The following ARHGEF16 variants were observed in gnomAD, a reference collection of about 807,000 sequenced individuals.
ARHGEF16 encodes the protein Rho guanine nucleotide exchange factor 16.
A neutral mutation model predicts 74.1 loss-of-function variants in ARHGEF16; 59 were observed. The observed-to-expected ratio is 0.80, with a 90% CI of 0.65 to 0.99. The LOEUF is 0.99. Among genes scored for constraint, ARHGEF16 ranks in the 50% least tolerant of loss-of-function variants. The pLI, the probability that ARHGEF16 is intolerant of heterozygous loss-of-function variation, is 0.00. For synonymous variants in ARHGEF16, 415 were observed against 412.6 expected, an observed-to-expected ratio of 1.01 and a Z score of -0.07; for missense variants, 948 against 986.6, an observed-to-expected ratio of 0.96 and a Z score of 0.52.
In ARHGEF16 at chr1:3,477,931, A is replaced by G. The variant is rs755970577; in HGVS notation, c.1530A>G (p.Leu510=). 6.2e-7 allele frequency: 1 copy of G among 1,612,494 alleles called. No homozygotes were observed. The highest frequency in any genetic ancestry group is 2.2e-5 in the East Asian group (1 of 44,850). ...TGCTGAAGCGCGGAGAGCTGTTCTT[A>G]GTGGAAGAAACCGGACTTTTTCGAA... ...RWLLKRGELF[L]VEETGLFRKI... The change falls in exon 11 of 15, where the codon TTA becomes TTG. Residue 510 remains leucine (L), a synonymous_variant. Transcript: ENST00000378378.
chr1:3,467,116 G>A (rs889448350), intron 3 of ARHGEF16, 52 bp from the exon 4 acceptor site: 5 of 1,509,330 alleles, frequency 3.3e-6, no homozygotes, highest in African/African-American at 2.8e-5. Context: ...GCAGGGAGGC[G>A]CAGCCTTTTG....
At chr1:3,469,909 G>A (rs1479649341) in intron 6 of ARHGEF16, among the ~76,000 whole-genome samples, 1 of 152,192 alleles carries the variant, frequency 6.6e-6, no homozygotes, top group East Asian at 1.9e-4. Flanking sequence ...AGGCACAGAG[G>A]GCTGCATGAT....
chr1:3,467,966 C>T (rs1485126956), intron 4 of ARHGEF16, among the ~76,000 whole-genome samples: 1 of 152,124 alleles, frequency 6.6e-6, no homozygotes, highest in Non-Finnish European at 1.5e-5. Context: ...GTTCGCCATT[C>T]AGAGGGGCTG....
chr1:3,477,884 C>T lies in ARHGEF16; in HGVS notation c.1483C>T (p.Leu495=), dbSNP rs1639934422. The T allele has an allele frequency of 6.2e-7, 1 of 1,603,314 alleles. No individual in the cohort carries two copies. ...GGCTCTGTCCCCCCAGTCCCTCCCACTGATCTCTGCCTCCCGGTGGCTGCT... is the reference window on the plus strand; with the variant it reads ...GGCTCTGTCCCCCCAGTCCCTCCCATTGATCTCTGCCTCCCGGTGGCTGCT... ...LDFSKVKSLP[L]ISASRWLLKR... The change falls in exon 11 of 15, where the codon CTG becomes TTG. Residue 495 remains leucine (L), a synonymous_variant. Transcript: ENST00000378378.
intron 1 of ARHGEF16, among the ~76,000 whole-genome samples, chr1:3,457,629 G>A (rs531727440): frequency 7.7e-4 from 118 of 152,338 alleles, no homozygotes; most frequent in Middle Eastern, 3.4e-3. Flanking sequence ...CACTGGGTCC[G>A]AGATCCAGCA....
At chr1:3,457,403 A>G (rs2493256) in intron 1 of ARHGEF16, among the ~76,000 whole-genome samples, 39,342 of 152,150 alleles carry the variant, frequency 0.26, 7,469 homozygotes, top group African/African-American at 0.53. Context: ...GGCCTGTGCA[A>G]CATCCTAACC....
chr1:3,467,977 GCACTGCAACCACCCACCACA>G (rs1481545414), intron 4 of ARHGEF16, among the ~76,000 whole-genome samples: 1 of 152,166 alleles, frequency 6.6e-6, no homozygotes, highest in Non-Finnish European at 1.5e-5. Context: ...AGAGGGGCTG[GCACTGCAACCACCCACCACA>G]CACCATGGTG....
Position 3,466,174 on chromosome 1 carries a change from C to T in ARHGEF16, c.615C>T (p.His205=). 6.5e-7 allele frequency: 1 copy of T among 1,546,098 alleles called. No individual in the cohort carries two copies. The highest frequency in any genetic ancestry group is 1.7e-4 in the Middle Eastern group (1 of 5,974). Residue 205 remains histidine (H), a synonymous_variant, in exon 3 of 15, where the codon CAC becomes CAT. Transcript: ENST00000378378. ...NKKTLGRKRG[H]KGSFKDDPQL... is the part of the protein sequence containing the mutation. ...AGACGCTGGGGAGGAAACGTGGGCA[C>T]AAGGGTTCCTTCAAGGACGGTGAGT... is the stretch of plus-strand genomic sequence containing the variant.
In ARHGEF16 at chr1:3,472,945, C is replaced by T. The variant is rs78430673; in HGVS notation, c.1023-133C>T. ...GCCCCAAGTGCTTGCTGTGTGCTGC[C>T]TCTGGGAGCTGAGCTCAGCTCCTGC... On this transcript the variant is annotated intron_variant, in intron 6 of 14. Transcript: ENST00000378378. 7.1e-3 allele frequency: 5,796 copies of T among 815,460 alleles called. 208 individuals carry two copies. In the African/African-American group the frequency reaches 0.094, roughly 13 times the overall value. The allele number at this position is 815,460 out of a possible 1,614,324, so 50.5% of individuals were successfully genotyped here.
Position 3,467,190 on chromosome 1 carries a change from C to T in ARHGEF16, c.657C>T (p.Ile219=). The change falls in exon 4 of 15, where the codon ATC becomes ATT. Residue 219 remains isoleucine, a synonymous_variant. Transcript: ENST00000378378. ...FKDDPQLYQE[I]QERGLNTSQE... ...TAGACCCCCAGCTCTACCAGGAGAT[C>T]CAGGAGCGGGGCCTGAACACCAGCC... The T allele has an allele frequency of 1.3e-6, 2 of 1,550,600 alleles. No homozygotes were observed. Among genetic ancestry groups the T allele is most frequent in the South Asian group, 2.4e-5 (2 of 84,052 alleles).
At position 3,468,889 on chromosome 1, in the gene ARHGEF16, T is replaced by C. The variant is rs536919304; in HGVS notation, c.814T>C (p.Leu272=). 7 of 1,550,316 alleles carry C rather than the reference T, an allele frequency of 4.5e-6. No individual in the cohort carries two copies. The highest frequency in any genetic ancestry group is 2.4e-5 in the South Asian group (2 of 84,038). Residue 272 remains leucine (L), a synonymous_variant, in exon 5 of 15, where the codon TTG becomes CTG. Transcript: ENST00000378378. ...TWSQLPEVVE[L]GILDQLSTEE... is the part of the protein sequence containing the mutation. ...GCCTGTGTCCCCCCAGGTGGTGGAA[T>C]TGGGCATCCTGGACCAGCTCTCCAC...
At chr1:3,473,258 G>T in intron 7 of ARHGEF16, 28 bp downstream of exon 7, 1 of 1,608,822 alleles carries the variant, frequency 6.2e-7, no homozygotes, top group South Asian at 1.1e-5. Context: ...AGGCCCGCAG[G>T]GTGGCTCAGG....
intron 1 of ARHGEF16, among the ~76,000 whole-genome samples, chr1:3,460,630 A>G (rs1253421147): frequency 2.0e-5 from 3 of 152,176 alleles, no homozygotes; most frequent in African/African-American, 4.8e-5. Context: ...ACAGAAGCCT[A>G]AAAGAAATGG....
In ARHGEF16 at chr1:3,466,183, C is replaced by A; in HGVS notation, c.624C>A (p.Ser208=). ...TLGRKRGHKG[S]FKDDPQLYQE... ...GGAGGAAACGTGGGCACAAGGGTTC[C>A]TTCAAGGACGGTGAGTGTGGCTTCG... is the stretch of plus-strand genomic sequence containing the variant. The change falls in exon 3 of 15, where the codon TCC becomes TCA. Residue 208 remains serine, a synonymous_variant. Transcript: ENST00000378378. The A allele has an allele frequency of 6.5e-7, 1 of 1,544,480 alleles. No individual in the cohort carries two copies.
rs1398625336 is a variant in ARHGEF16, at chr1:3,480,316, C to T, written c.1991-132C>T. Reference sequence around the variant, plus strand: ...CCATGAGCAAGGCCTCAGCAGCTGTCTGCTCTGAGCAGGAGCAGGTGGTCA... The same window carrying T: ...CCATGAGCAAGGCCTCAGCAGCTGTTTGCTCTGAGCAGGAGCAGGTGGTCA... On this transcript the variant is annotated intron_variant, in intron 14 of 14. Transcript: ENST00000378378. 4.5e-6 allele frequency: 6 copies of T among 1,335,144 alleles called. No homozygotes were observed. The Admixed American group carries it at 1.2e-4, about 26-fold the overall frequency. 82.7% of individuals were successfully genotyped at this position (1,335,144 alleles called of 1,614,324 possible).
At chr1:3,461,506 C>G (rs1639394465) in intron 1 of ARHGEF16, among the ~76,000 whole-genome samples, 1 of 152,184 alleles carries the variant, frequency 6.6e-6, no homozygotes, top group African/African-American at 2.4e-5. Flanking sequence ...GTGTGGGGAG[C>G]CCCTGAGCAG....
In ARHGEF16 at chr1:3,480,507, G is replaced by A. The variant is rs556367147; in HGVS notation, c.2050G>A (p.Ala684Thr). ...GETGWFPEDFARFITSRVAVE... is the reference protein window; with the variant it reads ...GETGWFPEDFTRFITSRVAVE... The stretch of plus-strand genomic sequence containing the variant: ...GACGGGATGGTTCCCCGAGGACTTT[G>A]CCCGCTTCATCACCAGCCGTGTGGC... The change falls in exon 15 of 15, where the codon GCC becomes ACC. Residue 684 changes from alanine (A) to threonine (T), a missense_variant. Ala to Thr is a moderately conservative substitution (Grantham distance 58). Coordinates refer to ENST00000378378, the MANE Select transcript of ARHGEF16 (RefSeq NM_014448.4). The A allele has an allele frequency of 6.2e-7, 1 of 1,612,552 alleles. No homozygotes were observed. Among genetic ancestry groups the A allele is most frequent in the East Asian group, 2.2e-5 (1 of 44,884 alleles).
At chr1:3,458,586 C>A (rs1429379399) in intron 1 of ARHGEF16, among the ~76,000 whole-genome samples, 1 of 152,248 alleles carries the variant, frequency 6.6e-6, no homozygotes, top group African/African-American at 2.4e-5. Context: ...GGTCAGACAC[C>A]TGTGCTCAGG....
Position 3,467,290 on chromosome 1 carries a change from G to A in ARHGEF16, c.757G>A (p.Val253Ile), listed in dbSNP as rs767045768. Residue 253 changes from valine (V) to isoleucine (I), a missense_variant, in exon 4 of 15, where the codon GTC becomes ATC. Coordinates refer to ENST00000378378, the MANE Select transcript of ARHGEF16 (RefSeq NM_014448.4). The stretch of plus-strand genomic sequence containing the variant: ...CCAGAAGGTGGACGCCACCATTGTG[G>A]TCAAGAGCTACCGGCCCGCCCAGGT... ...GTQKVDATIV[V>I]KSYRPAQVTW... 5.2e-6 allele frequency: 8 copies of A among 1,550,332 alleles called. No homozygotes were observed. The highest frequency in any genetic ancestry group is 6.1e-6 in the Non-Finnish European group (7 of 1,146,868).
Sources: gnomAD v4.1 joint callset for allele counts (sites outside exome capture counted in the v4.1 genomes callset) on GRCh38, gnomAD v4.1.1 for gene constraint, MANE v1.5 for transcripts, NCBI Gene and HGNC (gene_info 2026-07-23, HGNC 2026-07-21) for gene names.